The following CD99L2 variants were observed in gnomAD, a reference collection of about 807,000 sequenced individuals.
CD99L2 encodes the protein CD99 molecule like 2.
In CD99L2, 24 loss-of-function variants were observed where a neutral mutation model predicts 27.3. The observed-to-expected ratio is 0.88, with a 90% CI of 0.64 to 1.24. The LOEUF is 1.24. Ranked by LOEUF, CD99L2 falls within the 50% of genes most tolerant of loss-of-function variation. CD99L2 has a pLI of 0.00. For missense variants in CD99L2, 255 were observed against 221.6 expected (o/e 1.15, Z -0.96); for synonymous variants, 97 against 87.9 (o/e 1.10, Z -0.58).
At chrX:150,776,403 C>T in intron 8 of CD99L2, 110 bp from the exon 9 acceptor site, 1 of 918,707 alleles carries the variant, frequency 1.1e-6, no homozygotes, top group South Asian at 2.6e-5. Flanking sequence ...TAGACGCCCC[C>T]AACCCCCAAG....
At chrX:150,769,944 GA>G (rs2043407811) in intron 10 of CD99L2, among the ~76,000 whole-genome samples, 1 of 113,169 alleles carries the variant, frequency 8.8e-6, no homozygotes, top group African/African-American at 3.2e-5. Context: ...TTTGCAAAGG[GA>G]AAAGTTCTAG....
At chrX:150,898,354 G>A (rs1478562541) in intron 1 of CD99L2, among the ~76,000 whole-genome samples, 168 bp downstream of exon 1, 12 of 111,088 alleles carry the variant, frequency 1.1e-4, no homozygotes, top group African/African-American at 3.9e-4. Context: ...CAACCCCCAC[G>A]GGCCCGGGGC....
intron 1 of CD99L2, among the ~76,000 whole-genome samples, chrX:150,857,178 G>C (rs1374320381): frequency 8.9e-6 from 1 of 111,794 alleles, no homozygotes; most frequent in African/African-American, 3.2e-5. Context: ...AAGAGAGAAT[G>C]TAAGGGGTTG....
At chrX:150,891,097 T>C (rs1017310888) in intron 1 of CD99L2, among the ~76,000 whole-genome samples, 1 of 113,108 alleles carries the variant, frequency 8.8e-6, no homozygotes, top group Admixed American at 9.3e-5. Context: ...TTTAAAATGG[T>C]AAAACTGAAA....
At chrX:150,826,186 A>G (rs782808526) in intron 2 of CD99L2, among the ~76,000 whole-genome samples, 1 of 112,010 alleles carries the variant, frequency 8.9e-6, no homozygotes, top group East Asian at 2.8e-4. Flanking sequence ...TGAATATGCC[A>G]GCACCTTGAT....
intron 2 of CD99L2, among the ~76,000 whole-genome samples, chrX:150,824,469 AGAAG>A (rs2046321582): frequency 1.1e-5 from 1 of 94,638 alleles, no homozygotes; most frequent in African/African-American, 4.0e-5. Flanking sequence ...AGAAGAAAGA[AGAAG>A]AAGAAAGAAG....
At chrX:150,779,552 T>A (rs782757297) in intron 7 of CD99L2, among the ~76,000 whole-genome samples, 1 of 112,370 alleles carries the variant, frequency 8.9e-6, no homozygotes, top group South Asian at 3.7e-4. Context: ...CAAGCCGAGG[T>A]CATCGCTTTG....
chrX:150,818,821 A>T (rs2046203638), intron 2 of CD99L2: 1 of 361,682 alleles, frequency 2.8e-6, no homozygotes, highest in Non-Finnish European at 5.5e-6. Flanking sequence ...TCTCCTTCAA[A>T]CTGTTTGCAG....
intron 4 of CD99L2, among the ~76,000 whole-genome samples, chrX:150,814,359 C>T (rs2046118944): frequency 8.9e-6 from 1 of 111,765 alleles, no homozygotes; most frequent in Non-Finnish European, 1.9e-5. Flanking sequence ...TCCCTTTCCC[C>T]ACTGCCTATG....
In CD99L2 at chrX:150,768,962, A is replaced by G. The variant is rs2043358738; in HGVS notation, c.*72T>C. On this transcript the variant is annotated 3_prime_UTR_variant, in exon 11 of 11. Coordinates refer to ENST00000370377, the MANE Select transcript of CD99L2 (RefSeq NM_031462.4). The stretch of plus-strand genomic sequence containing the variant: ...AGAGCAGCACAGCAGCTGCGGGTCC[A>G]AATGAAGGGGTGGGGGGAGCCGGGT... The G allele has an allele frequency of 1.8e-6, 2 of 1,102,626 alleles. No homozygotes were observed. Among genetic ancestry groups the G allele is most frequent in the Admixed American group, 7.5e-5 (2 of 26,708 alleles). The allele number at this position is 1,102,626 out of a possible 1,213,427, so 90.9% of individuals were successfully genotyped here.
intron 1 of CD99L2, among the ~76,000 whole-genome samples, chrX:150,868,655 CT>C (rs1471118233): frequency 8.9e-6 from 1 of 112,387 alleles, no homozygotes; most frequent in Non-Finnish European, 1.9e-5. Context: ...CCCCTTCCCC[CT>C]AGCCTTCCCA....
chrX:150,898,481 GGGTCCCCGCGC>G (rs782272652), intron 1 of CD99L2, 30 bp downstream of exon 1: 224 of 1,060,375 alleles, frequency 2.1e-4, no homozygotes, highest in African/African-American at 3.8e-4. Flanking sequence ...CCACAAGGCG[GGGTCCCCGCGC>G]GGTCCCCGCG....
chrX:150,872,184 T>C (rs909141251), intron 1 of CD99L2, among the ~76,000 whole-genome samples: 1 of 110,755 alleles, frequency 9.0e-6, no homozygotes, highest in South Asian at 3.9e-4. Flanking sequence ...TGAGCTGTGA[T>C]TGTGCCACTG....
At chrX:150,808,679 A>T (rs1202355663) in intron 4 of CD99L2, among the ~76,000 whole-genome samples, 1 of 112,074 alleles carries the variant, frequency 8.9e-6, no homozygotes, top group Non-Finnish European at 1.9e-5. Context: ...TTGCAGATGC[A>T]CTTAAGATGT....
At chrX:150,869,783 TG>T (rs2047126075) in intron 1 of CD99L2, among the ~76,000 whole-genome samples, 1 of 111,673 alleles carries the variant, frequency 9.0e-6, no homozygotes, top group Admixed American at 9.5e-5. Flanking sequence ...CTTTGAGAAG[TG>T]TTCTTTGAAA....
At chrX:150,892,310 AAGAAC>A (rs1298152570) in intron 1 of CD99L2, among the ~76,000 whole-genome samples, 1 of 111,033 alleles carries the variant, frequency 9.0e-6, no homozygotes, top group Middle Eastern at 4.2e-3. Context: ...AGGTGGGGAA[AAGAAC>A]AGAACAGGAG....
chrX:150,873,435 T>C (rs782018381), intron 1 of CD99L2, among the ~76,000 whole-genome samples: 1 of 111,994 alleles, frequency 8.9e-6, no homozygotes, highest in Non-Finnish European at 1.9e-5. Flanking sequence ...AGTGACTGCT[T>C]AATAGATACA....
intron 7 of CD99L2, among the ~76,000 whole-genome samples, chrX:150,780,367 G>A (rs1325176613): frequency 8.9e-6 from 1 of 112,350 alleles, no homozygotes; most frequent in Non-Finnish European, 1.9e-5. Context: ...GTAAAATGGT[G>A]CAGCTGCTAT....
intron 4 of CD99L2, among the ~76,000 whole-genome samples, chrX:150,798,390 G>A (rs782371892): frequency 7.0e-4 from 77 of 110,122 alleles, no homozygotes; most frequent in Non-Finnish European, 1.1e-3. Context: ...TTGCATATAC[G>A]GTCACTAGAT....
Sources: gnomAD v4.1 joint callset for allele counts (sites outside exome capture counted in the v4.1 genomes callset) on GRCh38, gnomAD v4.1.1 for gene constraint, MANE v1.5 for transcripts, NCBI Gene and HGNC (gene_info 2026-07-23, HGNC 2026-07-21) for gene names.